Variants in APBA2 observed in about 807,000 individuals in gnomAD.
APBA2 encodes amyloid beta precursor protein binding family A member 2, also known as amyloid-beta A4 precursor protein-binding family A member 2.
A neutral mutation model predicts 75.0 loss-of-function variants in APBA2; 30 were observed. The observed-to-expected ratio is 0.40, with a 90% CI of 0.30 to 0.54. APBA2 has a LOEUF of 0.54. Among genes scored for constraint, APBA2 ranks in the 20% least tolerant of loss-of-function variants. The probability of loss-of-function intolerance (pLI) is 0.49; values close to 1 mark genes in which losing one functional copy is unlikely to be tolerated. For missense variants in APBA2, 801 were observed against 1,016.1 expected, an observed-to-expected ratio of 0.79 and a Z score of 2.88; for synonymous variants, 444 against 409.6, an observed-to-expected ratio of 1.08 and a Z score of -1.01.
intron 13 of APBA2, among the ~76,000 whole-genome samples, chr15:29,109,340 C>T (rs960114182): frequency 2.7e-4 from 41 of 152,154 alleles, no homozygotes; most frequent in African/African-American, 9.9e-4. Flanking sequence ...TCTGACCCTG[C>T]TGTGTCAGAG....
chr15:28,934,041 A>C lies in APBA2; in HGVS notation c.-95+12292A>C, dbSNP rs570947802. 5.4e-5 allele frequency among the ~76,000 whole-genome samples: 8 copies of C among 148,662 alleles called. No homozygotes were observed. The East Asian group carries it at 1.6e-3, about 29-fold the overall frequency. On this transcript the variant is annotated intron_variant, in intron 2 of 14. Transcript: ENST00000683413. ...TTGCACACGGGAAAACAAGGCATGG[A>C]GTGGGCAGCTCCTTCCGCCTGGTCT... is the stretch of plus-strand genomic sequence containing the variant.
intron 2 of APBA2, among the ~76,000 whole-genome samples, chr15:28,924,313 A>G (rs1468254767): frequency 1.3e-5 from 2 of 152,150 alleles, no homozygotes; most frequent in African/African-American, 2.4e-5. Flanking sequence ...TGTGTAATTC[A>G]GTAACATGTA....
intron 1 of APBA2, among the ~76,000 whole-genome samples, chr15:28,921,383 A>G (rs2033962037): frequency 1.3e-5 from 2 of 152,244 alleles, no homozygotes; most frequent in East Asian, 3.8e-4. Context: ...ACCTTTGGAA[A>G]TAAACACGAA....
chr15:28,990,188 T>C (rs1046562687), intron 2 of APBA2, among the ~76,000 whole-genome samples: 1 of 152,142 alleles, frequency 6.6e-6, no homozygotes, highest in African/African-American at 2.4e-5. Context: ...GGCGGGTGGA[T>C]CACCTGAGGT....
rs372901378 is a variant in APBA2 at position 29,110,130 on chromosome 15, G to T, written c.2037+1741G>T. The stretch of plus-strand genomic sequence containing the variant: ...TGTGCGCACTTTGTGGATGGGCATG[G>T]CTGGGCCCCAGGGAGGAGGGCTGGG... On this transcript the variant is annotated intron_variant, in intron 13 of 14. Coordinates refer to ENST00000683413, the MANE Select transcript of APBA2 (RefSeq NM_001353788.2). Among the ~76,000 whole-genome samples, 27 of 152,342 alleles carry T rather than the reference G, an allele frequency of 1.8e-4. No homozygotes were observed. The South Asian group carries it at 5.0e-3, about 28-fold the overall frequency.
intron 2 of APBA2, among the ~76,000 whole-genome samples, chr15:28,925,343 A>C (rs1037490092): frequency 6.6e-6 from 1 of 152,146 alleles, no homozygotes; most frequent in Admixed American, 6.5e-5. Flanking sequence ...TCATTTTCTT[A>C]TAATTTCTTT....
intron 6 of APBA2, among the ~76,000 whole-genome samples, chr15:29,082,629 TTTC>T (rs1309895523): frequency 1.6e-4 from 24 of 152,338 alleles, no homozygotes; most frequent in South Asian, 4.1e-4. Flanking sequence ...TTACCATTCT[TTTC>T]TTCTTCTTCT....
intron 3 of APBA2, among the ~76,000 whole-genome samples, chr15:29,042,366 G>T (rs376748331): frequency 1.4e-4 from 21 of 152,014 alleles, no homozygotes; most frequent in Non-Finnish European, 2.5e-4. Flanking sequence ...TCTGCCTCCC[G>T]AGTTTAAGAG....
At chr15:29,095,003 G>C (rs1265036197) in intron 8 of APBA2, among the ~76,000 whole-genome samples, 1 of 151,892 alleles carries the variant, frequency 6.6e-6, no homozygotes, top group African/African-American at 2.4e-5. Flanking sequence ...GGAGTTTGAG[G>C]CTGCAGTGAT....
chr15:29,044,282 A>G (rs1201345098), intron 3 of APBA2: 10 of 152,206 alleles, frequency 6.6e-5, no homozygotes, highest in African/African-American at 9.7e-5. Context: ...GTTGACAATG[A>G]GCCTTTATTT....
At chr15:29,089,355 C>T (rs1353448105) in intron 6 of APBA2, among the ~76,000 whole-genome samples, 1 of 152,188 alleles carries the variant, frequency 6.6e-6, no homozygotes, top group Non-Finnish European at 1.5e-5. Flanking sequence ...CATTGTTGCA[C>T]AGAGGTCTGG....
intron 1 of APBA2, among the ~76,000 whole-genome samples, chr15:28,902,586 A>T (rs2032926166): frequency 6.6e-6 from 1 of 152,210 alleles, no homozygotes; most frequent in Non-Finnish European, 1.5e-5. Context: ...ACTGTAGTTA[A>T]TAATGGTGGA....
chr15:29,030,224 C>T (rs1201666980), intron 3 of APBA2, among the ~76,000 whole-genome samples: 1 of 152,148 alleles, frequency 6.6e-6, no homozygotes, highest in Admixed American at 6.5e-5. Context: ...CTTTGGAAGG[C>T]AGAGGCAGGC....
intron 6 of APBA2, among the ~76,000 whole-genome samples, chr15:29,079,192 C>T (rs1217817832): frequency 6.6e-6 from 1 of 151,950 alleles, no homozygotes; most frequent in African/African-American, 2.4e-5. Flanking sequence ...GGCTCTTAGA[C>T]CAGATGGGTT....
At chr15:29,087,264 TAAA>T (rs377060964) in intron 6 of APBA2, among the ~76,000 whole-genome samples, 4 of 151,798 alleles carry the variant, frequency 2.6e-5, no homozygotes, top group Admixed American at 6.6e-5. Context: ...CATTTTTTTT[TAAA>T]AAAAATTATT....
intron 2 of APBA2, among the ~76,000 whole-genome samples, chr15:28,947,578 C>T (rs906306513): frequency 2.6e-5 from 4 of 152,098 alleles, no homozygotes; most frequent in African/African-American, 7.2e-5. Flanking sequence ...ATCTTTGGAG[C>T]GGCTCCACCA....
At chr15:29,082,405 A>G (rs1313433919) in intron 6 of APBA2, among the ~76,000 whole-genome samples, 1 of 152,186 alleles carries the variant, frequency 6.6e-6, no homozygotes, top group Non-Finnish European at 1.5e-5. Context: ...CGATTGTCTT[A>G]GCAGATTACT....
intron 4 of APBA2, among the ~76,000 whole-genome samples, chr15:29,059,144 G>A (rs1363979685): frequency 2.0e-5 from 3 of 152,156 alleles, no homozygotes; most frequent in Admixed American, 2.0e-4. Flanking sequence ...TTGCCTTCTT[G>A]TTTCAGCTCT....
At chr15:28,969,855 T>C (rs969530457) in intron 2 of APBA2, among the ~76,000 whole-genome samples, 3 of 152,216 alleles carry the variant, frequency 2.0e-5, no homozygotes, top group Admixed American at 2.0e-4. Context: ...GAAGCCAGAA[T>C]TGGAGGGAGC....
Sources: gnomAD v4.1 joint callset for allele counts (sites outside exome capture counted in the v4.1 genomes callset) on GRCh38, gnomAD v4.1.1 for gene constraint, MANE v1.5 for transcripts, NCBI Gene and HGNC (gene_info 2026-07-23, HGNC 2026-07-21) for gene names.